The following MRPL1 variants were observed in gnomAD, a reference collection of about 807,000 sequenced individuals.
MRPL1 encodes mitochondrial ribosomal protein L1.
Under a neutral mutation model 38.0 loss-of-function variants are expected in MRPL1, and 28 were observed. That is an observed-to-expected ratio of 0.74 (90% CI 0.55 to 1.01). MRPL1 has a LOEUF of 1.01. MRPL1 is among the 50% of genes least tolerant of loss of function. The pLI is 0.00. For missense variants in MRPL1, 358 were observed against 389.8 expected (o/e 0.92, Z 0.69); for synonymous variants, 123 against 126.7 (o/e 0.97, Z 0.20).
intron 5 of MRPL1, among the ~76,000 whole-genome samples, chr4:77,892,430 C>T (rs138610914): frequency 6.6e-6 from 1 of 151,906 alleles, no homozygotes; most frequent in African/African-American, 2.4e-5. Context: ...CACCGCACCA[C>T]GTAGTAATTT....
intron 5 of MRPL1, among the ~76,000 whole-genome samples, chr4:77,890,514 A>C (rs889094343): frequency 2.6e-5 from 4 of 152,188 alleles, no homozygotes; most frequent in African/African-American, 9.7e-5. Flanking sequence ...TTTATGACAA[A>C]CCCACAGCCA....
intron 6 of MRPL1, chr4:77,908,236 GT>G: frequency 6.2e-6 from 1 of 162,148 alleles, no homozygotes. Context: ...AGACCGTACT[GT>G]TATTATTTTT....
At chr4:77,911,846 A>C (rs1736296499) in intron 7 of MRPL1, among the ~76,000 whole-genome samples, 1 of 152,188 alleles carries the variant, frequency 6.6e-6, no homozygotes, top group Non-Finnish European at 1.5e-5. Context: ...TTGCAAACTA[A>C]ATTTTAGCAA....
At chr4:77,894,115 C>T in intron 5 of MRPL1, 24 bp from the exon 6 acceptor site, 1 of 1,330,342 alleles carries the variant, frequency 7.5e-7, no homozygotes, top group Non-Finnish European at 1.1e-6. Context: ...CATCTGAGGT[C>T]ACCTTTTTTT....
At chr4:77,871,629 T>TA in intron 1 of MRPL1, 115 bp from the exon 2 acceptor site, 1 of 565,018 alleles carries the variant, frequency 1.8e-6, no homozygotes, top group Non-Finnish European at 3.0e-6. Context: ...AAAGAAGGAT[T>TA]AAAAATCACA....
At chr4:77,926,576 A>T (rs6821826) in intron 7 of MRPL1, among the ~76,000 whole-genome samples, 33,085 of 150,922 alleles carry the variant, frequency 0.22, 4,366 homozygotes, top group African/African-American at 0.36. Context: ...ATTTGACATG[A>T]TTTAAGAATC....
chr4:77,940,059 T>C (rs1207906932), intron 7 of MRPL1, among the ~76,000 whole-genome samples: 1 of 152,176 alleles, frequency 6.6e-6, no homozygotes, highest in Non-Finnish European at 1.5e-5. Flanking sequence ...TTTAGGATTT[T>C]TTTTTCTAGT....
intron 7 of MRPL1, among the ~76,000 whole-genome samples, chr4:77,944,945 CCTTACCATGTGTG>C (rs1394340540): frequency 6.6e-6 from 1 of 151,980 alleles, no homozygotes; most frequent in Non-Finnish European, 1.5e-5. Flanking sequence ...CTTGGCCACT[CCTTACCATGTGTG>C]TGCTCATGAA....
intron 2 of MRPL1, among the ~76,000 whole-genome samples, chr4:77,878,873 G>A (rs553071924): frequency 6.6e-6 from 1 of 152,018 alleles, no homozygotes. Flanking sequence ...GCGAGACTCC[G>A]TCTTAAAAAC....
intron 1 of MRPL1, among the ~76,000 whole-genome samples, chr4:77,863,982 A>G (rs985850412): frequency 2.7e-5 from 4 of 146,860 alleles, no homozygotes; most frequent in Non-Finnish European, 5.9e-5. Context: ...ATACATGTAT[A>G]TTTAACACTG....
intron 5 of MRPL1, among the ~76,000 whole-genome samples, chr4:77,889,900 G>T (rs1396715667): frequency 2.6e-5 from 4 of 152,090 alleles, no homozygotes; most frequent in Non-Finnish European, 5.9e-5. Flanking sequence ...TAAATTCCTG[G>T]ACATATACAC....
At chr4:77,911,984 C>T (rs1389408700) in intron 7 of MRPL1, among the ~76,000 whole-genome samples, 1 of 152,088 alleles carries the variant, frequency 6.6e-6, no homozygotes, top group Non-Finnish European at 1.5e-5. Context: ...AAGTAAAAAA[C>T]AAAAGCCATA....
chr4:77,947,411 G>A (rs1327031674), intron 7 of MRPL1, among the ~76,000 whole-genome samples: 2 of 152,146 alleles, frequency 1.3e-5, no homozygotes, highest in African/African-American at 2.4e-5. Context: ...CACAAATATG[G>A]TGCTTAACAT....
At chr4:77,926,672 G>C (rs1220044656) in intron 7 of MRPL1, among the ~76,000 whole-genome samples, 1 of 150,034 alleles carries the variant, frequency 6.7e-6, no homozygotes, top group Non-Finnish European at 1.5e-5. Context: ...GCAGTGGTGC[G>C]ATCTTGGCTC....
intron 7 of MRPL1, among the ~76,000 whole-genome samples, chr4:77,948,688 A>T (rs907942164): frequency 1.3e-5 from 2 of 152,114 alleles, no homozygotes; most frequent in African/African-American, 2.4e-5. Flanking sequence ...GGAAAACAGA[A>T]ATCTTGTTTG....
Position 77,952,742 on chromosome 4 carries a change from A to G in MRPL1, c.*135A>G. 1.7e-6 allele frequency: 1 copy of G among 604,054 alleles called. No individual in the cohort carries two copies. The highest frequency in any genetic ancestry group is 2.8e-6 in the Non-Finnish European group (1 of 353,684). 37.4% of individuals were successfully genotyped at this position (604,054 alleles called of 1,614,324 possible). A position where few individuals can be genotyped will look rare whatever the true frequency, so the allele number is the denominator to read the frequency against. ...GAACTTTAACATTGAAAAATCGTACAGTCATTTCAAGAATAAGAAAATAAA... is the reference window on the plus strand; with the variant it reads ...GAACTTTAACATTGAAAAATCGTACGGTCATTTCAAGAATAAGAAAATAAA... On this transcript the variant is annotated 3_prime_UTR_variant, in exon 9 of 9. Coordinates refer to ENST00000315567, the MANE Select transcript of MRPL1 (RefSeq NM_020236.4).
At chr4:77,952,442 G>A (rs780081683) in intron 8 of MRPL1, 47 bp from the exon 9 acceptor site, 2 of 1,255,740 alleles carry the variant, frequency 1.6e-6, no homozygotes, top group Admixed American at 3.4e-5. Flanking sequence ...CTCATGAGGT[G>A]GTATTGCGAT....
At chr4:77,891,367 T>G (rs1176136142) in intron 5 of MRPL1, among the ~76,000 whole-genome samples, 1 of 151,120 alleles carries the variant, frequency 6.6e-6, no homozygotes, top group Admixed American at 6.6e-5. Context: ...TTTTTTTCAT[T>G]TTTTTTGAGA....
At chr4:77,874,590 T>C (rs978372846) in intron 2 of MRPL1, among the ~76,000 whole-genome samples, 1 of 152,184 alleles carries the variant, frequency 6.6e-6, no homozygotes, top group Non-Finnish European at 1.5e-5. Context: ...ATTGCCTTCA[T>C]AGAAATCTTG....
Sources: gnomAD v4.1 joint callset for allele counts (sites outside exome capture counted in the v4.1 genomes callset) on GRCh38, gnomAD v4.1.1 for gene constraint, MANE v1.5 for transcripts, NCBI Gene and HGNC (gene_info 2026-07-23, HGNC 2026-07-21) for gene names.